VSIG10L: variants seen among roughly 807,000 people sequenced by gnomAD.
VSIG10L encodes the protein V-set and immunoglobulin domain containing 10 like.
VSIG10L carries 63 observed loss-of-function variants against 67.3 expected under a neutral mutation model. The ratio of observed to expected loss-of-function variants is 0.94; its 90% confidence interval spans 0.76 to 1.15. The LOEUF (loss-of-function observed/expected upper bound fraction) is 1.15. Ranked by LOEUF, VSIG10L falls within the 50% of genes most tolerant of loss-of-function variation. VSIG10L has a pLI of 0.00. For synonymous variants in VSIG10L, 499 were observed against 524.9 expected (o/e 0.95, Z 0.67); for missense variants, 1,050 against 1,177.5 (o/e 0.89, Z 1.58).
At chr19:51,338,827 G>T in intron 5 of VSIG10L, 61 bp downstream of exon 5, 1 of 1,336,466 alleles carries the variant, frequency 7.5e-7, no homozygotes, top group South Asian at 2.0e-5. Context: ...ATTTTCGAAG[G>T]ACCAAAGAAA....
Position 51,341,770 on chromosome 19 carries a change from A to C in VSIG10L, c.278T>G (p.Phe93Cys), listed in dbSNP as rs985367231. 6.4e-7 allele frequency: 1 copy of C among 1,551,636 alleles called. No homozygotes were observed. Among genetic ancestry groups the C allele is most frequent in the Non-Finnish European group, 8.7e-7 (1 of 1,146,982 alleles). Reference protein sequence around the residue: ...EALSSNMSGSFWSNVSAEGQD... With the variant: ...EALSSNMSGSCWSNVSAEGQD... ...GCCCTCAGCAGAAACATTTGACCAGAAGGACCCAGACATGTTGGAACTCAG... is the reference window on the plus strand; with the variant it reads ...GCCCTCAGCAGAAACATTTGACCAGCAGGACCCAGACATGTTGGAACTCAG... The change falls in exon 2 of 10, where the codon TTC becomes TGC. Residue 93 changes from phenylalanine to cysteine, a missense_variant. Phe to Cys is a radical substitution (Grantham distance 205, BLOSUM62 -2). This residue lies in a region of VSIG10L where 511 missense variants were observed against 557.9 expected (regional missense o/e 0.92). Transcript: ENST00000335624.
Position 51,340,991 on chromosome 19 carries a change from G to T in VSIG10L, c.895+162C>A. On this transcript the variant is annotated intron_variant, in intron 2 of 9. Coordinates refer to ENST00000335624, the MANE Select transcript of VSIG10L (RefSeq NM_001163922.3). This position sits in a 1 kb window ranked among gnomAD's most constrained non-coding sequence, Gnocchi z 6.3. The stretch of plus-strand genomic sequence containing the variant: ...GAGTCTCCATCCCAGGTCCACCTTT[G>T]CTCAGACACCCCTGCCTTGACCTCT... The T allele has an allele frequency of 8.7e-7, 1 of 1,154,636 alleles. No homozygotes were observed. Among genetic ancestry groups the T allele is most frequent in the Non-Finnish European group, 1.2e-6 (1 of 866,796 alleles). The allele number at this position is 1,154,636 out of a possible 1,614,324, so 71.5% of individuals were successfully genotyped here. A position where few individuals can be genotyped will look rare whatever the true frequency, so the allele number is the denominator to read the frequency against.
Position 51,340,679 on chromosome 19 carries a change from C to T in VSIG10L, c.943G>A (p.Glu315Lys), listed in dbSNP as rs1402823064. ...CGCAGCCGGAGCTCGGCCGCCCCCT[C>T]CTCTGTCTCTGGAGCCTTGGGCTGA... is the stretch of plus-strand genomic sequence containing the variant. ...SVQPKAPETE[E>K]GAAELRLRCL... is the part of the protein sequence containing the mutation. The change falls in exon 3 of 10, where the codon GAG becomes AAG. Residue 315 changes from glutamate to lysine, a missense_variant. Glu to Lys is a moderately conservative substitution (Grantham distance 56). This residue lies in a region of VSIG10L where 511 missense variants were observed against 557.9 expected (regional missense o/e 0.92). Coordinates refer to ENST00000335624, the MANE Select transcript of VSIG10L (RefSeq NM_001163922.3). This position sits in a 1 kb window ranked among gnomAD's most constrained non-coding sequence, Gnocchi z 6.3. The T allele has an allele frequency of 5.2e-6, 8 of 1,527,656 alleles. No homozygotes were observed. In the African/African-American group the frequency reaches 8.2e-5, roughly 16 times the overall value. 94.6% of individuals were successfully genotyped at this position (1,527,656 alleles called of 1,614,324 possible). A position where few individuals can be genotyped will look rare whatever the true frequency, so the allele number is the denominator to read the frequency against.
Position 51,337,956 on chromosome 19 carries a change from G to A in VSIG10L, c.1982C>T (p.Ala661Val). Residue 661 changes from alanine to valine, a missense_variant, in exon 6 of 10, where the codon GCT becomes GTT. By Grantham distance (64) the Ala-to-Val change is moderately conservative (BLOSUM62 0). Around this residue, in one of 3 missense-constraint regions of VSIG10L, gnomAD observed 529 missense variants for 584.9 expected, o/e 0.90. Coordinates refer to ENST00000335624, the MANE Select transcript of VSIG10L (RefSeq NM_001163922.3). ...YSVLCSGALG[A>V]GGDQITLIGP... ...AATGAGGGTGATCTGGTCACCGCCA[G>A]CACCCAGCGCCCCACTGCACAGCAC... The A allele has an allele frequency of 6.4e-7, 1 of 1,550,560 alleles. No homozygotes were observed. The highest frequency in any genetic ancestry group is 8.7e-7 in the Non-Finnish European group (1 of 1,146,486).
rs749955340 is a variant in VSIG10L at position 51,339,054 on chromosome 19, G to A, written c.1563C>T (p.Ala521=). Residue 521 remains alanine (A), a synonymous_variant, in exon 5 of 10, where the codon GCC becomes GCT. Transcript: ENST00000335624. The part of the protein sequence containing the change: ...LRFRCSWPGG[A]PAASLQFQGL... The stretch of plus-strand genomic sequence containing the variant: ...CCTGGAACTGCAGGGAGGCAGCAGG[G>A]GCCCCGCCGGGCCACGAGCAGCGGA... 26 of 1,340,558 alleles carry A rather than the reference G, an allele frequency of 1.9e-5. No individual in the cohort carries two copies. Among genetic ancestry groups the A allele is most frequent in the Middle Eastern group, 2.1e-4 (1 of 4,750 alleles). The allele number at this position is 1,340,558 out of a possible 1,614,324, so 83.0% of individuals were successfully genotyped here. A position where few individuals can be genotyped will look rare whatever the true frequency, so the allele number is the denominator to read the frequency against.
At chr19:51,332,679 G>A in intron 9 of VSIG10L, 39 bp from the exon 10 acceptor site, 1 of 1,533,220 alleles carries the variant, frequency 6.5e-7, no homozygotes, top group South Asian at 1.2e-5. Flanking sequence ...AACTCAGTAG[G>A]TACTCTGGAT....
chr19:51,341,140 A>G lies in VSIG10L; in HGVS notation c.895+13T>C. 6.7e-7 allele frequency: 1 copy of G among 1,490,580 alleles called. No individual in the cohort carries two copies. Among genetic ancestry groups the G allele is most frequent in the Non-Finnish European group, 9.0e-7 (1 of 1,115,244 alleles). The allele number at this position is 1,490,580 out of a possible 1,614,324, so 92.3% of individuals were successfully genotyped here. ...CCCTGCCGCCTGCACGCCGGACGCC[A>G]GGGCCCACTTACCATACACACCCAC... On this transcript the variant is annotated intron_variant, in intron 2 of 9. Coordinates refer to ENST00000335624, the MANE Select transcript of VSIG10L (RefSeq NM_001163922.3).
chr19:51,339,998 C>A lies in VSIG10L; in HGVS notation c.1474+17G>T. On this transcript the variant is annotated intron_variant, in intron 4 of 9. Coordinates refer to ENST00000335624, the MANE Select transcript of VSIG10L (RefSeq NM_001163922.3). ...CCCTCTCCCAGGCATTCCCCTACTC[C>A]CGCTCCAGCCTCTCACCCGCCACTG... The A allele has an allele frequency of 7.3e-7, 1 of 1,374,900 alleles. No individual in the cohort carries two copies. The allele number at this position is 1,374,900 out of a possible 1,614,324, so 85.2% of individuals were successfully genotyped here.
chr19:51,341,919 G>A lies in VSIG10L; in HGVS notation c.129C>T (p.Ser43=), dbSNP rs1424236044. Residue 43 remains serine, a synonymous_variant, in exon 2 of 10, where the codon AGC becomes AGT. Transcript: ENST00000335624. ...FSSAFSSDSK[S]SSQGLGVEVP... is the part of the protein sequence containing the mutation. ...CTTCCACACCCAGCCCCTGGGAAGA[G>A]CTCTTTGAGTCTGAAGAGAAGGCAG... 1.3e-6 allele frequency: 2 copies of A among 1,551,742 alleles called. No homozygotes were observed. Among genetic ancestry groups the A allele is most frequent in the Non-Finnish European group, 1.7e-6 (2 of 1,147,010 alleles).
Position 51,340,050 on chromosome 19 carries a change from C to A in VSIG10L, c.1439G>T (p.Arg480Leu), listed in dbSNP as rs2123557293. 1 of 1,435,904 alleles carries A rather than the reference C, an allele frequency of 7.0e-7. No homozygotes were observed. Among genetic ancestry groups the A allele is most frequent in the Non-Finnish European group, 9.1e-7 (1 of 1,096,528 alleles). The allele number at this position is 1,435,904 out of a possible 1,614,324, so 88.9% of individuals were successfully genotyped here. ...AAGGTTGAGCAGCGAGCGGCGGCGG[C>A]GGCCGGTACGCGGGTTCGCCGCCAG... ...ACLAANPRTG[R>L]RRRSLLNLTV... is the part of the protein sequence containing the mutation. Residue 480 changes from arginine (R) to leucine (L), a missense_variant, in exon 4 of 10, where the codon CGC becomes CTC. Transcript: ENST00000335624. The surrounding 1 kb of genome is among the most constrained non-coding windows in gnomAD (Gnocchi z 6.3).
Position 51,340,276 on chromosome 19 carries a change from T to C in VSIG10L, c.1213A>G (p.Thr405Ala). 1 of 1,518,790 alleles carries C rather than the reference T, an allele frequency of 6.6e-7. No individual in the cohort carries two copies. The highest frequency in any genetic ancestry group is 1.2e-5 in the South Asian group (1 of 82,940). The allele number at this position is 1,518,790 out of a possible 1,614,324, so 94.1% of individuals were successfully genotyped here. A position where few individuals can be genotyped will look rare whatever the true frequency, so the allele number is the denominator to read the frequency against. ...VFYGPDPPTI[T>A]VSSDRDAAPA... ...GCGGCGTCGCGGTCCGAGGAGACCGTGATGGTCGGCGGGTCCGGGCCGTCT... is the reference window on the plus strand; with the variant it reads ...GCGGCGTCGCGGTCCGAGGAGACCGCGATGGTCGGCGGGTCCGGGCCGTCT... The change falls in exon 4 of 10, where the codon ACG becomes GCG. Residue 405 changes from threonine to alanine, a missense_variant. Thr to Ala is a moderately conservative substitution (Grantham distance 58, BLOSUM62 0). Coordinates refer to ENST00000335624, the MANE Select transcript of VSIG10L (RefSeq NM_001163922.3). This position sits in a 1 kb window ranked among gnomAD's most constrained non-coding sequence, Gnocchi z 6.3.
In VSIG10L at chr19:51,341,155, T is replaced by C. The variant is rs1422672793; in HGVS notation, c.893A>G (p.Tyr298Cys). The C allele has an allele frequency of 1.3e-6, 2 of 1,511,508 alleles. No homozygotes were observed. Among genetic ancestry groups the C allele is most frequent in the Non-Finnish European group, 1.8e-6 (2 of 1,125,880 alleles). The allele number at this position is 1,511,508 out of a possible 1,614,324, so 93.6% of individuals were successfully genotyped here. Residue 298 changes from tyrosine to cysteine, a missense_variant and splice_region_variant, in exon 2 of 10, where the codon TAT (tyrosine) becomes TGT (cysteine). By Grantham distance (194) the Tyr-to-Cys change is radical (BLOSUM62 -2). Around this residue, in one of 3 missense-constraint regions of VSIG10L, gnomAD observed 511 missense variants for 557.9 expected, o/e 0.92. Transcript: ENST00000335624. ...GCCGGACGCCAGGGCCCACTTACCA[T>C]ACACACCCACCGTGAACTCGTGAGT... ...QQTHEFTVGVYEPLPQLSVQP... is the reference protein window; with the variant it reads ...QQTHEFTVGVCEPLPQLSVQP...
rs1025009999 is a variant in VSIG10L at position 51,340,936 on chromosome 19, T to TCCC, written c.896-213_896-211dup. ...GAAGAGGCTCCTAGCCTCCTCCTCC[T>TCCC]CCCTCAGACCTGGGAGTTCAGGCTC... On this transcript the variant is annotated intron_variant, in intron 2 of 9. Coordinates refer to ENST00000335624, the MANE Select transcript of VSIG10L (RefSeq NM_001163922.3). This position sits in a 1 kb window ranked among gnomAD's most constrained non-coding sequence, Gnocchi z 6.3. The TCCC allele has an allele frequency of 4.2e-5, 38 of 914,680 alleles. No individual in the cohort carries two copies. Among genetic ancestry groups the TCCC allele is most frequent in the Non-Finnish European group, 5.8e-5 (38 of 654,730 alleles). The allele number at this position is 914,680 out of a possible 1,614,324, so 56.7% of individuals were successfully genotyped here. A position where few individuals can be genotyped will look rare whatever the true frequency, so the allele number is the denominator to read the frequency against.
intron 5 of VSIG10L, 75 bp downstream of exon 5, chr19:51,338,813 C>A (rs989597274): frequency 7.5e-7 from 1 of 1,334,322 alleles, no homozygotes; most frequent in Non-Finnish European, 9.7e-7. Flanking sequence ...CATACCCCTT[C>A]AGAATTTTCG....
intron 9 of VSIG10L, among the ~76,000 whole-genome samples, chr19:51,333,103 A>G (rs1985396443): frequency 6.6e-6 from 1 of 152,030 alleles, no homozygotes; most frequent in African/African-American, 2.4e-5. Context: ...TCTCTCCTCA[A>G]CCACCCGAAG....
rs948842993 is a variant in VSIG10L, at chr19:51,341,835, G to T, written c.213C>A (p.Ala71=). ...KVPDQFLDSK[A]SAGISDSSWF... ...AGCTGGAATCAGAGATTCCAGCAGA[G>T]GCTTTTGAATCCAGGAACTGATCTG... Residue 71 remains alanine, a synonymous_variant, in exon 2 of 10, where the codon GCC becomes GCA. Transcript: ENST00000335624. 3.9e-6 allele frequency: 6 copies of T among 1,551,524 alleles called. No individual in the cohort carries two copies. The African/African-American group carries it at 8.2e-5, about 21-fold the overall frequency.
chr19:51,341,914 GAA>G lies in VSIG10L; in HGVS notation c.132_133del (p.Ser45ProfsTer32). 1 of 1,551,728 alleles carries G rather than the reference GAA, an allele frequency of 6.4e-7. No individual in the cohort carries two copies. The highest frequency in any genetic ancestry group is 8.7e-7 in the Non-Finnish European group (1 of 1,146,998). On this transcript the variant is annotated frameshift_variant, in exon 2 of 10. Coordinates refer to ENST00000335624, the MANE Select transcript of VSIG10L (RefSeq NM_001163922.3). LOFTEE classifies it high-confidence loss of function. Reference sequence around the variant, plus strand: ...GGGAACTTCCACACCCAGCCCCTGGGAAGAGCTCTTTGAGTCTGAAGAGAAGG... The same window carrying G: ...GGGAACTTCCACACCCAGCCCCTGGGGAGCTCTTTGAGTCTGAAGAGAAGG...
At chr19:51,335,917 C>G (rs1985468041) in intron 7 of VSIG10L, among the ~76,000 whole-genome samples, 1 of 151,974 alleles carries the variant, frequency 6.6e-6, no homozygotes, top group Admixed American at 6.6e-5. Flanking sequence ...GTCCACACCC[C>G]CCACCTCCCC....
chr19:51,337,891 G>T lies in VSIG10L; in HGVS notation c.2008+39C>A, dbSNP rs374307270. 14 of 1,508,570 alleles carry T rather than the reference G, an allele frequency of 9.3e-6. No homozygotes were observed. In the African/African-American group the frequency reaches 1.4e-4, roughly 15 times the overall value. The allele number at this position is 1,508,570 out of a possible 1,614,324, so 93.4% of individuals were successfully genotyped here. On this transcript the variant is annotated intron_variant, in intron 6 of 9. Transcript: ENST00000335624. ...GGGTCTGAGGGCTGGAGCGGCTGGG[G>T]ACGTGGACTTCAGGGTTTTTTGAAA...
Sources: allele counts gnomAD v4.1 joint callset (sites outside exome capture counted in the v4.1 genomes callset), GRCh38; gene constraint gnomAD v4.1.1; regional missense constraint gnomAD v4.1.1; non-coding constraint Gnocchi (gnomAD v3.1); transcripts MANE v1.5; gene names NCBI Gene and HGNC (gene_info 2026-07-23, HGNC 2026-07-21).